Variants in ATM observed in about 807,000 individuals in gnomAD.
ATM encodes serine-protein kinase ATM.
Under a neutral mutation model 387.0 loss-of-function variants are expected in ATM, and 308 were observed. The ratio of observed to expected loss-of-function variants is 0.80; its 90% CI spans 0.73 to 0.87. The LOEUF (loss-of-function observed/expected upper bound fraction) is 0.87, where lower values mean the gene tolerates loss of function less well. Ranked by LOEUF, ATM falls within the 40% of genes least tolerant of loss-of-function variation. The pLI is 0.00. For synonymous variants in ATM, 1,156 were observed against 1,187.3 expected (o/e 0.97, Z 0.54); for missense variants, 3,312 against 3,560.9 (o/e 0.93, Z 1.78).
chr11:108,238,949 G>A (rs2079431031), intron 5 of ATM, among the ~76,000 whole-genome samples: 2 of 152,020 alleles, frequency 1.3e-5, no homozygotes, highest in Admixed American at 1.3e-4. Context: ...AGTAAACAAT[G>A]ATTTACCATT....
intron 4 of ATM, among the ~76,000 whole-genome samples, chr11:108,233,004 A>C (rs2079095547): frequency 6.6e-6 from 1 of 152,016 alleles, no homozygotes; most frequent in Non-Finnish European, 1.5e-5. Flanking sequence ...CTGGGATTAC[A>C]GGCATGCCCC....
At position 108,299,665 on chromosome 11, in the gene ATM, G is replaced by A. The variant is rs1555104446; in HGVS notation, c.5006-49G>A. 4 of 1,574,814 alleles carry A rather than the reference G, an allele frequency of 2.5e-6. No homozygotes were observed. The highest frequency in any genetic ancestry group is 2.2e-5 in the South Asian group (2 of 90,124). Reference sequence around the variant, plus strand: ...TGAAATTAGAAAATTTCAGTTTTATGTATGATCTCTTACCTATGACTCTAC... The same window carrying A: ...TGAAATTAGAAAATTTCAGTTTTATATATGATCTCTTACCTATGACTCTAC... On this transcript the variant is annotated intron_variant, in intron 33 of 62. Transcript: ENST00000675843.
At chr11:108,264,374 C>G (rs1591574333) in intron 16 of ATM, among the ~76,000 whole-genome samples, 1 of 152,092 alleles carries the variant, frequency 6.6e-6, no homozygotes. Context: ...GAACCAAAGA[C>G]AAAAAACACA....
Position 108,253,890 on chromosome 11 carries a change from A to G in ATM, c.1975A>G (p.Lys659Glu). 1.2e-6 allele frequency: 2 copies of G among 1,614,092 alleles called. No homozygotes were observed. Among genetic ancestry groups the G allele is most frequent in the South Asian group, 1.1e-5 (1 of 91,086 alleles). Reference sequence around the variant, plus strand: ...ACTATTTCTTCAGACAACTTTTGACAAGATGGACTTTTTAACCATTGTGAG... The same window carrying G: ...ACTATTTCTTCAGACAACTTTTGACGAGATGGACTTTTTAACCATTGTGAG... ...EELFLQTTFD[K>E]MDFLTIVREC... The change falls in exon 13 of 63, where the codon AAG becomes GAG. Residue 659 changes from lysine (K) to glutamate (E), a missense_variant. Physicochemically the swap from Lys to Glu is moderately conservative, Grantham distance 56. Around this residue, in one of 4 missense-constraint regions of ATM, gnomAD observed 1,791 missense variants for 1,804.5 expected, o/e 0.99. Transcript: ENST00000675843.
intron 61 of ATM, among the ~76,000 whole-genome samples, chr11:108,358,545 G>A (rs1454245750): frequency 7.5e-6 from 1 of 133,798 alleles, no homozygotes; most frequent in Non-Finnish European, 1.6e-5. Flanking sequence ...CAGCCAGAGA[G>A]AAAGGTCGGG....
chr11:108,229,098 T>C, intron 3 of ATM, 80 bp from the exon 4 acceptor site: 3 of 1,444,424 alleles, frequency 2.1e-6, no homozygotes, highest in Non-Finnish European at 2.8e-6. Context: ...TTGCTCTTTG[T>C]GATGGCATGA....
At chr11:108,244,236 C>G (rs1252293525) in intron 6 of ATM, 118 bp downstream of exon 6, 1 of 1,184,402 alleles carries the variant, frequency 8.4e-7, no homozygotes, top group South Asian at 1.3e-5. Context: ...TCCATCATAA[C>G]AGAACTAGTG....
rs56172540 is a variant in ATM, at chr11:108,353,744, T to G, written c.8672-22T>G. ...TAAATTAGCTGTCAAACCTCCTAACTTCACTGTATTCTTTACTTTAGGTGT... is the reference window on the plus strand; with the variant it reads ...TAAATTAGCTGTCAAACCTCCTAACGTCACTGTATTCTTTACTTTAGGTGT... On this transcript the variant is annotated intron_variant, in intron 59 of 62. Coordinates refer to ENST00000675843, the MANE Select transcript of ATM (RefSeq NM_000051.4). 2.8e-5 allele frequency: 44 copies of G among 1,563,302 alleles called. 1 individual carries two copies. Among genetic ancestry groups the G allele is most frequent in the East Asian group, 2.7e-4 (12 of 44,620 alleles).
rs755009196 is a variant in ATM at position 108,332,024 on chromosome 11, C to A, written c.7775C>A (p.Ser2592Tyr). ...RITKNVPKQS[S>Y]QLDEDRTEAA... is the part of the protein sequence containing the mutation. ...ACTAAAAATGTGCCTAAACAAAGCT[C>A]TCAGCTTGATGAGGTATTTGGATTA... The change falls in exon 52 of 63, where the codon TCT becomes TAT. Residue 2592 changes from serine to tyrosine, a missense_variant. This residue lies in a region of ATM where 1,405 missense variants were observed against 1,604.4 expected (regional missense o/e 0.88). Transcript: ENST00000675843. The A allele has an allele frequency of 6.2e-7, 1 of 1,613,846 alleles. No homozygotes were observed. Among genetic ancestry groups the A allele is most frequent in the South Asian group, 1.1e-5 (1 of 91,068 alleles).
chr11:108,316,590 A>T (rs555203457), intron 42 of ATM, among the ~76,000 whole-genome samples: 53 of 151,958 alleles, frequency 3.5e-4, no homozygotes, highest in Non-Finnish European at 6.5e-4. Context: ...TTTTTTGGGA[A>T]ACATTAAACG....
At position 108,268,500 on chromosome 11, in the gene ATM, C is replaced by G. The variant is rs1481694786; in HGVS notation, c.2729C>G (p.Thr910Ser). ...MLKFLCLCVT[T>S]AQTNTVSFRA... The stretch of plus-strand genomic sequence containing the variant: ...AAGTTCTTGTGTTTGTGTGTAACTA[C>G]TGCTCAGACCAATACTGTGTCCTTT... Residue 910 changes from threonine to serine, a missense_variant, in exon 18 of 63, where the codon ACT becomes AGT. Transcript: ENST00000675843. 1 of 1,614,068 alleles carries G rather than the reference C, an allele frequency of 6.2e-7. No individual in the cohort carries two copies. The highest frequency in any genetic ancestry group is 8.5e-7 in the Non-Finnish European group (1 of 1,179,974).
At chr11:108,305,453 G>C (rs961030639) in intron 37 of ATM, among the ~76,000 whole-genome samples, 1 of 151,996 alleles carries the variant, frequency 6.6e-6, no homozygotes, top group Non-Finnish European at 1.5e-5. Context: ...GGTGGCAGGC[G>C]CCTATAATTG....
At chr11:108,284,645 C>T (rs556869724) in intron 26 of ATM, among the ~76,000 whole-genome samples, 172 bp downstream of exon 26, 1 of 152,080 alleles carries the variant, frequency 6.6e-6, no homozygotes, top group Non-Finnish European at 1.5e-5. Flanking sequence ...GTCGTGTTGT[C>T]TCCCTCTGAT....
At chr11:108,262,852 G>T (rs1332044613) in intron 16 of ATM, among the ~76,000 whole-genome samples, 1 of 145,244 alleles carries the variant, frequency 6.9e-6, no homozygotes, top group African/African-American at 2.5e-5. Context: ...TGATAAAACA[G>T]ACTTTAAACC....
chr11:108,337,857 T>C (rs2136760687), intron 56 of ATM, among the ~76,000 whole-genome samples: 1 of 152,354 alleles, frequency 6.6e-6, no homozygotes, highest in South Asian at 2.1e-4. Flanking sequence ...GAGCACCTCC[T>C]GAACTCTCAG....
chr11:108,309,109 A>G, intron 38 of ATM: 11 of 1,173,936 alleles, frequency 9.4e-6, no homozygotes, highest in Non-Finnish European at 1.3e-5. Flanking sequence ...AAAACGGGTA[A>G]AGACATGCAT....
Position 108,247,141 on chromosome 11 carries a change from G to T in ATM, c.1065+14G>T. 2 of 1,613,162 alleles carry T rather than the reference G, an allele frequency of 1.2e-6. No homozygotes were observed. The highest frequency in any genetic ancestry group is 1.7e-6 in the Non-Finnish European group (2 of 1,179,558). On this transcript the variant is annotated intron_variant, in intron 8 of 62. Transcript: ENST00000675843. ...ATCTGTCACCAGGTACAGTAAGTAG[G>T]TCATGTCACATTTAGAAATTTCCTG...
chr11:108,349,610 C>T (rs1158874499), intron 59 of ATM, among the ~76,000 whole-genome samples: 1 of 152,070 alleles, frequency 6.6e-6, no homozygotes, highest in Non-Finnish European at 1.5e-5. Flanking sequence ...TTGCAGTGAG[C>T]TAAGATCATG....
chr11:108,235,522 T>C (rs2079225325), intron 4 of ATM, 148 bp from the exon 5 acceptor site: 2 of 692,338 alleles, frequency 2.9e-6, no homozygotes, highest in East Asian at 5.5e-5. Context: ...TGAATTTTGC[T>C]TGGGGCCATA....
Sources: gnomAD v4.1 joint callset for allele counts (sites outside exome capture counted in the v4.1 genomes callset) on GRCh38, gnomAD v4.1.1 for gene constraint, gnomAD v4.1.1 regional missense constraint, MANE v1.5 for transcripts, NCBI Gene and HGNC (gene_info 2026-07-23, HGNC 2026-07-21) for gene names.